The following EYS variants were observed in gnomAD, a reference collection of about 807,000 sequenced individuals.
The protein encoded by EYS is EGF-like photoreceptor maintenance factor.
A neutral mutation model predicts 282.1 loss-of-function variants in EYS; 250 were observed. That is an observed-to-expected ratio of 0.89 (90% CI 0.80 to 0.98). EYS has a LOEUF of 0.98. EYS is among the 50% of genes least tolerant of loss of function. The probability of loss-of-function intolerance (pLI) is 0.00; values close to 1 mark genes in which losing one functional copy is unlikely to be tolerated. For missense variants in EYS, 4,016 were observed against 3,709.0 expected (o/e 1.08, Z -2.15); for synonymous variants, 1,355 against 1,282.9 (o/e 1.06, Z -1.20).
chr6:63,812,804 A>C (rs1322453756), intron 36 of EYS, among the ~76,000 whole-genome samples: 1 of 152,124 alleles, frequency 6.6e-6, no homozygotes, highest in Non-Finnish European at 1.5e-5. Context: ...CACCAATGCT[A>C]ATCATTGCTT....
At chr6:65,051,791 A>G (rs75755039) in intron 13 of EYS, among the ~76,000 whole-genome samples, 3,744 of 151,632 alleles carry the variant, frequency 0.025, 121 homozygotes, top group East Asian at 0.17. Flanking sequence ...AGATAAAGTC[A>G]TAGAATCAGA....
chr6:64,874,465 T>C (rs1766684423), intron 19 of EYS, among the ~76,000 whole-genome samples: 1 of 152,142 alleles, frequency 6.6e-6, no homozygotes, highest in Non-Finnish European at 1.5e-5. Flanking sequence ...ACCTGGGCTT[T>C]GGGCACCTTC....
intron 5 of EYS, among the ~76,000 whole-genome samples, chr6:65,462,982 A>G (rs1764872594): frequency 6.6e-6 from 1 of 152,042 alleles, no homozygotes; most frequent in African/African-American, 2.4e-5. Flanking sequence ...CTTTTCTCAC[A>G]TGGATAACTG....
intron 12 of EYS, among the ~76,000 whole-genome samples, chr6:65,199,171 C>G (rs947310965): frequency 1.1e-4 from 16 of 152,218 alleles, no homozygotes; most frequent in Admixed American, 2.0e-4. Flanking sequence ...GCTGTTAAAA[C>G]AATTTTATCA....
At chr6:63,797,581 C>G (rs1412728797) in intron 37 of EYS, 5 of 152,176 alleles carry the variant, frequency 3.3e-5, no homozygotes, top group Admixed American at 3.3e-4. Context: ...TAGTGGCAAA[C>G]TTTTGGCTTC....
chr6:64,212,479 T>C (rs1052139753), intron 31 of EYS, among the ~76,000 whole-genome samples: 1 of 152,012 alleles, frequency 6.6e-6, no homozygotes, highest in Non-Finnish European at 1.5e-5. Flanking sequence ...TGTATTTTGG[T>C]ACATATATAT....
At chr6:64,668,098 G>C (rs11754892) in intron 22 of EYS, among the ~76,000 whole-genome samples, 16,050 of 152,080 alleles carry the variant, frequency 0.11, 1,005 homozygotes, top group East Asian at 0.16. Flanking sequence ...GTCACCTATA[G>C]AATATTTGGA....
intron 26 of EYS, among the ~76,000 whole-genome samples, chr6:64,563,649 T>C (rs577032752): frequency 2.6e-5 from 4 of 152,246 alleles, no homozygotes; most frequent in African/African-American, 9.6e-5. Flanking sequence ...AAATATCGAC[T>C]ATACACTTTT....
intron 15 of EYS, among the ~76,000 whole-genome samples, chr6:64,942,836 A>AAC (rs1554220167): frequency 6.8e-6 from 1 of 146,996 alleles, no homozygotes; most frequent in Non-Finnish European, 1.5e-5. Flanking sequence ...CCAAAAAAAA[A>AAC]AAAAAAACAA....
In EYS at chr6:64,654,677, A is replaced by C. The variant is rs1768683966; in HGVS notation, c.3444-28432T>G. Among the ~76,000 whole-genome samples, 2 of 152,340 alleles carry C rather than the reference A, an allele frequency of 1.3e-5. 1 individual carries two copies. The highest frequency in any genetic ancestry group is 4.8e-5 in the African/African-American group (2 of 41,586). ...AATGTTATGATGCTATTGTCTTTTAAATACATGATTTCTTTTGACATGAAT... is the reference window on the plus strand; with the variant it reads ...AATGTTATGATGCTATTGTCTTTTACATACATGATTTCTTTTGACATGAAT... On this transcript the variant is annotated intron_variant, in intron 22 of 42. Coordinates refer to ENST00000503581, the MANE Select transcript of EYS (RefSeq NM_001142800.2).
intron 11 of EYS, chr6:65,332,280 A>G (rs544592525): frequency 1.4e-6 from 1 of 693,644 alleles, no homozygotes; most frequent in East Asian, 2.7e-5. Context: ...TATTCTATTG[A>G]TACATTAAAT....
intron 28 of EYS, among the ~76,000 whole-genome samples, chr6:64,425,868 G>T (rs192634276): frequency 9.1e-4 from 138 of 152,126 alleles, no homozygotes; most frequent in African/African-American, 3.2e-3. Flanking sequence ...GGAGGGATGT[G>T]TGAATGGGGA....
At chr6:64,471,731 G>T (rs1044722315) in intron 26 of EYS, among the ~76,000 whole-genome samples, 3 of 152,052 alleles carry the variant, frequency 2.0e-5, no homozygotes, top group Non-Finnish European at 4.4e-5. Flanking sequence ...CTAGAAAATA[G>T]CAATGCTACA....
chr6:64,782,119 T>C (rs1055878421), intron 22 of EYS, among the ~76,000 whole-genome samples: 1 of 152,214 alleles, frequency 6.6e-6, no homozygotes, highest in Non-Finnish European at 1.5e-5. Flanking sequence ...AACACTAAGG[T>C]TGGTATTCAT....
chr6:64,336,928 C>T (rs113495672), intron 29 of EYS, among the ~76,000 whole-genome samples: 64 of 152,028 alleles, frequency 4.2e-4, no homozygotes, highest in African/African-American at 1.3e-3. Flanking sequence ...TCAAACTGAA[C>T]GACAATGACG....
chr6:65,489,153 C>G (rs1765927171), intron 5 of EYS, among the ~76,000 whole-genome samples: 1 of 152,020 alleles, frequency 6.6e-6, no homozygotes, highest in South Asian at 2.1e-4. Flanking sequence ...AAAGAGCTTC[C>G]ACACAGCAAA....
At chr6:65,367,517 T>C (rs184204762) in intron 8 of EYS, among the ~76,000 whole-genome samples, 7 of 151,822 alleles carry the variant, frequency 4.6e-5, no homozygotes, top group African/African-American at 1.7e-4. Context: ...TATGTTTCCT[T>C]TAAATATAAA....
rs6904613 is a variant in EYS, at chr6:63,772,551, A to G, written c.7898+5455T>C. Among the ~76,000 whole-genome samples the G allele has an allele frequency of 3.3e-3, 502 of 152,238 alleles. 3 individuals carry two copies. Among genetic ancestry groups the G allele is most frequent in the African/African-American group, 0.011 (460 of 41,570 alleles). ...ACATCAAGACTACAGGATGCAATAG[A>G]ATCTCTTTATGGTTCTTTTTGTCTT... On this transcript the variant is annotated intron_variant, in intron 40 of 42. Coordinates refer to ENST00000503581, the MANE Select transcript of EYS (RefSeq NM_001142800.2).
At chr6:65,338,040 C>T (rs905622495) in intron 10 of EYS, among the ~76,000 whole-genome samples, 1 of 151,004 alleles carries the variant, frequency 6.6e-6, no homozygotes, top group Non-Finnish European at 1.5e-5. Context: ...CCTCAAAAAC[C>T]ACATAACATT....
Sources: gnomAD v4.1 joint callset for allele counts (sites outside exome capture counted in the v4.1 genomes callset) on GRCh38, gnomAD v4.1.1 for gene constraint, MANE v1.5 for transcripts, NCBI Gene and HGNC (gene_info 2026-07-23, HGNC 2026-07-21) for gene names.